Variants in SLC7A2 observed in about 807,000 individuals in gnomAD.
SLC7A2 encodes cationic amino acid transporter 2.
SLC7A2 carries 48 observed loss-of-function variants against 58.9 expected under a neutral mutation model. The ratio of observed to expected loss-of-function variants is 0.82; its 90% confidence interval spans 0.65 to 1.04. The LOEUF (loss-of-function observed/expected upper bound fraction) is 1.04. SLC7A2 is among the 50% of genes least tolerant of loss of function. The pLI is 0.00. For synonymous variants in SLC7A2, 363 were observed against 314.5 expected, an observed-to-expected ratio of 1.15 and a Z score of -1.63; for missense variants, 1,029 against 818.8, an observed-to-expected ratio of 1.26 and a Z score of -3.13.
chr8:17,563,356 A>T (rs1304453041), intron 11 of SLC7A2, among the ~76,000 whole-genome samples: 3 of 152,156 alleles, frequency 2.0e-5, no homozygotes, highest in Non-Finnish European at 2.9e-5. Context: ...AAGAAAGCTA[A>T]ATCCTAAAAC....
chr8:17,496,339 C>T (rs1267311601), upstream of SLC7A2, among the ~76,000 whole-genome samples: 1 of 152,156 alleles, frequency 6.6e-6, no homozygotes, highest in Non-Finnish European at 1.5e-5. Context: ...AAACCACACA[C>T]ACATATACAC....
At chr8:17,497,862 T>A (rs1335804393) in intron 1 of SLC7A2, among the ~76,000 whole-genome samples, 1 of 152,180 alleles carries the variant, frequency 6.6e-6, no homozygotes, top group Non-Finnish European at 1.5e-5. Context: ...CTGTATTTTA[T>A]AAGCCCGTTT....
intron 2 of SLC7A2, among the ~76,000 whole-genome samples, chr8:17,528,145 G>A (rs565025236): frequency 6.6e-6 from 1 of 152,250 alleles, no homozygotes; most frequent in South Asian, 2.1e-4. Flanking sequence ...AAGTGGAGGA[G>A]GAGGAAGCAG....
rs749866127 is a variant in SLC7A2, at chr8:17,551,954, C to T, written c.1023C>T (p.Val341=). 1.6e-5 allele frequency: 26 copies of T among 1,613,924 alleles called. No homozygotes were observed. Among genetic ancestry groups the T allele is most frequent in the Middle Eastern group, 1.6e-4 (1 of 6,084 alleles). The part of the protein sequence containing the change: ...YVGWGPAKYV[V]AAGSLCALST... ...GATGGGGTCCTGCCAAATATGTCGT[C>T]GCAGCTGGTTCTCTCTGCGCCTTGT... Residue 341 remains valine, a synonymous_variant, in exon 7 of 13, where the codon GTC becomes GTT. Transcript: ENST00000494857.
chr8:17,509,703 C>T lies in SLC7A2; in HGVS notation c.-23+7401C>T, dbSNP rs573377699. On this transcript the variant is annotated intron_variant, in intron 2 of 12. Coordinates refer to ENST00000494857, the MANE Select transcript of SLC7A2 (RefSeq NM_001370338.1). The stretch of plus-strand genomic sequence containing the variant: ...CTCCAACAAAGTGATGTATGCAGAA[C>T]AATGTTTTATGGTAGAGAAAAGTAA... Among the ~76,000 whole-genome samples the T allele has an allele frequency of 2.0e-5, 3 of 152,138 alleles. No individual in the cohort carries two copies. In the South Asian group the frequency reaches 6.2e-4, roughly 32 times the overall value.
At chr8:17,550,250 G>A in intron 5 of SLC7A2, 51 bp from the exon 6 acceptor site, 1 of 1,583,804 alleles carries the variant, frequency 6.3e-7, no homozygotes, top group Non-Finnish European at 8.6e-7. Flanking sequence ...GTCACCAGAA[G>A]GAGAGTTTTC....
chr8:17,515,732 T>G (rs1158622895), intron 2 of SLC7A2, among the ~76,000 whole-genome samples: 1 of 152,198 alleles, frequency 6.6e-6, no homozygotes, highest in Non-Finnish European at 1.5e-5. Context: ...GCCTTACTTT[T>G]CAGCCACAAA....
In SLC7A2 at chr8:17,565,029, T is replaced by G. The variant is rs773190253; in HGVS notation, c.1860T>G (p.Ala620=). The change falls in exon 13 of 13, where the codon GCT becomes GCG. Residue 620 remains alanine (A), a synonymous_variant. Coordinates refer to ENST00000494857, the MANE Select transcript of SLC7A2 (RefSeq NM_001370338.1). ...HLRDENNEED[A]YPDNVHAAAE... ...GAGATGAAAACAATGAAGAAGATGC[T>G]TATCCAGACAACGTTCATGCAGCAG... 6.2e-7 allele frequency: 1 copy of G among 1,613,912 alleles called. No individual in the cohort carries two copies. The highest frequency in any genetic ancestry group is 1.7e-5 in the Admixed American group (1 of 59,992).
chr8:17,500,712 C>T (rs1800119977), intron 1 of SLC7A2: 1 of 152,174 alleles, frequency 6.6e-6, no homozygotes, highest in Admixed American at 6.5e-5. Flanking sequence ...TTGCTTGAAT[C>T]TGGGAGGTGG....
rs1237884075 is a variant in SLC7A2 at position 17,515,043 on chromosome 8, C to T, written c.-23+12741C>T. Among the ~76,000 whole-genome samples the T allele has an allele frequency of 3.9e-5, 6 of 152,096 alleles. No individual in the cohort carries two copies. The East Asian group carries it at 9.6e-4, about 24-fold the overall frequency. On this transcript the variant is annotated intron_variant, in intron 2 of 12. Transcript: ENST00000494857. Reference sequence around the variant, plus strand: ...GCCTACTATGCTGAATTAAATATTCCATGCAAGGGTACCAGGAAAAGGGGA... The same window carrying T: ...GCCTACTATGCTGAATTAAATATTCTATGCAAGGGTACCAGGAAAAGGGGA...
chr8:17,537,174 A>G (rs2150725829), intron 2 of SLC7A2, among the ~76,000 whole-genome samples: 1 of 152,270 alleles, frequency 6.6e-6, no homozygotes, highest in Middle Eastern at 3.4e-3. Context: ...CTCCTGCCTT[A>G]GCCTCCCGAG....
chr8:17,558,662 G>A (rs1802822394), intron 9 of SLC7A2, among the ~76,000 whole-genome samples: 1 of 152,196 alleles, frequency 6.6e-6, no homozygotes, highest in Non-Finnish European at 1.5e-5. Flanking sequence ...TAAAAATGCT[G>A]TGCTTTTTGT....
intron 2 of SLC7A2, among the ~76,000 whole-genome samples, chr8:17,523,673 T>C (rs139604353): frequency 0.032 from 4,878 of 152,242 alleles, 284 homozygotes; most frequent in South Asian, 0.22. Flanking sequence ...GAAGATAACA[T>C]TGGGAAAACC....
At chr8:17,561,901 G>T (rs770164412) in intron 10 of SLC7A2, 43 bp from the exon 11 acceptor site, 1 of 1,598,646 alleles carries the variant, frequency 6.3e-7, no homozygotes, top group South Asian at 1.1e-5. Context: ...AATCTGGGTG[G>T]AGCACAGTGT....
At chr8:17,520,638 C>CT (rs1405616767) in intron 2 of SLC7A2, 2 of 51,172 alleles carry the variant, frequency 3.9e-5, no homozygotes, top group Non-Finnish European at 5.5e-5. Context: ...GAGACTCTGT[C>CT]TTTAAAAAAA....
intron 2 of SLC7A2, among the ~76,000 whole-genome samples, chr8:17,507,793 A>T (rs1477252668): frequency 6.6e-6 from 1 of 152,198 alleles, no homozygotes; most frequent in Non-Finnish European, 1.5e-5. Context: ...TTATTTTTCA[A>T]AGAGATATTT....
intron 8 of SLC7A2, 101 bp downstream of exon 8, chr8:17,554,800 A>G: frequency 6.9e-7 from 1 of 1,456,796 alleles, no homozygotes; most frequent in Non-Finnish European, 9.2e-7. Context: ...TTGATTTCCA[A>G]GAAGTTCAGT....
At chr8:17,532,242 AAAAAAAAAAAAAAAAAAC>A (rs1429000491) in intron 2 of SLC7A2, among the ~76,000 whole-genome samples, 6 of 111,498 alleles carry the variant, frequency 5.4e-5, no homozygotes, top group Non-Finnish European at 3.8e-5. Context: ...AAAAAAAAAA[AAAAAAAAAAAAAAAAAAC>A]CCCAGCAATT....
intron 2 of SLC7A2, among the ~76,000 whole-genome samples, chr8:17,520,973 A>G (rs566807588): frequency 6.6e-6 from 1 of 152,322 alleles, no homozygotes; most frequent in African/African-American, 2.4e-5. Flanking sequence ...ATGACCTTAT[A>G]TAAGCCTGTT....
Sources: allele counts gnomAD v4.1 joint callset (sites outside exome capture counted in the v4.1 genomes callset), GRCh38; gene constraint gnomAD v4.1.1; transcripts MANE v1.5; gene names NCBI Gene and HGNC (gene_info 2026-07-23, HGNC 2026-07-21).